SSBP3: variants seen among roughly 807,000 people sequenced by gnomAD.
SSBP3 encodes single stranded DNA binding protein 3, also known as single-stranded DNA-binding protein 3.
Under a neutral mutation model 69.6 loss-of-function variants are expected in SSBP3, and 5 were observed. That is an observed-to-expected ratio of 0.07 (90% CI 0.04 to 0.15). The LOEUF (loss-of-function observed/expected upper bound fraction) is 0.15, where lower values mean the gene tolerates loss of function less well. SSBP3 is among the 10% of genes least tolerant of loss of function. The pLI, the probability that SSBP3 is intolerant of heterozygous loss-of-function variation, is 1.00. For missense variants in SSBP3, 312 were observed against 534.0 expected (o/e 0.58, Z 4.10); for synonymous variants, 196 against 193.4 (o/e 1.01, Z -0.11).
At chr1:54,368,383 A>G (rs1647063658) in intron 4 of SSBP3, among the ~76,000 whole-genome samples, 1 of 151,948 alleles carries the variant, frequency 6.6e-6, no homozygotes, top group African/African-American at 2.4e-5. Context: ...ATGAAGAAAA[A>G]CAGGGGCTCT....
intron 4 of SSBP3, among the ~76,000 whole-genome samples, chr1:54,398,266 A>G (rs1557593029): frequency 6.6e-6 from 1 of 152,222 alleles, no homozygotes; most frequent in African/African-American, 2.4e-5. Context: ...ACAATCACAC[A>G]CATGAAAACA....
chr1:54,266,000 C>A (rs1214286253), intron 5 of SSBP3, among the ~76,000 whole-genome samples: 1 of 152,258 alleles, frequency 6.6e-6, no homozygotes, highest in Admixed American at 6.5e-5. Flanking sequence ...CCTGGCGGAA[C>A]AGAATCAGCA....
chr1:54,400,296 CCA>C (rs1429346745), intron 4 of SSBP3, among the ~76,000 whole-genome samples: 1 of 151,764 alleles, frequency 6.6e-6, no homozygotes, highest in Non-Finnish European at 1.5e-5. Context: ...CCACCCATCC[CCA>C]GATTCTAAAA....
At chr1:54,352,688 C>A (rs894405664) in intron 4 of SSBP3, among the ~76,000 whole-genome samples, 1 of 152,206 alleles carries the variant, frequency 6.6e-6, no homozygotes, top group Admixed American at 6.5e-5. Flanking sequence ...TTTGACCATG[C>A]GAGCATCTAG....
At chr1:54,328,172 C>T (rs1646344472) in intron 4 of SSBP3, among the ~76,000 whole-genome samples, 1 of 152,140 alleles carries the variant, frequency 6.6e-6, no homozygotes. Flanking sequence ...ATCTCCCATC[C>T]TCTCTCCTTG....
intron 4 of SSBP3, among the ~76,000 whole-genome samples, chr1:54,381,609 G>A (rs1371174664): frequency 6.6e-6 from 1 of 152,128 alleles, no homozygotes; most frequent in Non-Finnish European, 1.5e-5. Context: ...CCTCGGTGGG[G>A]CACCTTGCCG....
intron 5 of SSBP3, among the ~76,000 whole-genome samples, chr1:54,262,988 C>T (rs1029670196): frequency 3.3e-5 from 5 of 152,218 alleles, no homozygotes; most frequent in African/African-American, 7.2e-5. Flanking sequence ...GTGGAGACAA[C>T]TAACTCCCGC....
intron 4 of SSBP3, among the ~76,000 whole-genome samples, chr1:54,288,317 A>G (rs1645529881): frequency 1.3e-5 from 2 of 152,166 alleles, no homozygotes; most frequent in Admixed American, 1.3e-4. Flanking sequence ...CCTGGACTCC[A>G]CACAAGGCAG....
intron 4 of SSBP3, among the ~76,000 whole-genome samples, chr1:54,346,036 G>A (rs944756308): frequency 2.0e-5 from 3 of 151,840 alleles, no homozygotes; most frequent in South Asian, 2.1e-4. Context: ...GGCAGCACAC[G>A]CCTGTACTCC....
At chr1:54,288,010 G>A (rs1276141688) in intron 4 of SSBP3, among the ~76,000 whole-genome samples, 3 of 152,140 alleles carry the variant, frequency 2.0e-5, no homozygotes, top group African/African-American at 7.2e-5. Flanking sequence ...GTGGGAGGAG[G>A]GATGGATGTG....
At chr1:54,340,704 T>C (rs1039297357) in intron 4 of SSBP3, among the ~76,000 whole-genome samples, 5 of 152,216 alleles carry the variant, frequency 3.3e-5, no homozygotes, top group African/African-American at 9.6e-5. Flanking sequence ...TCTGAGGTTC[T>C]TTCAGAGGTG....
chr1:54,337,941 C>T (rs1197629594), intron 4 of SSBP3, among the ~76,000 whole-genome samples: 1 of 152,122 alleles, frequency 6.6e-6, no homozygotes, highest in East Asian at 1.9e-4. Flanking sequence ...CCAACCTGGA[C>T]AACATAATGA....
chr1:54,336,482 G>A (rs2100491581), intron 4 of SSBP3, among the ~76,000 whole-genome samples: 1 of 152,248 alleles, frequency 6.6e-6, no homozygotes. Context: ...CAGGTGGGGA[G>A]GGGAGAGCCA....
At chr1:54,371,668 AGAG>A (rs1647137188) in intron 4 of SSBP3, among the ~76,000 whole-genome samples, 1 of 152,188 alleles carries the variant, frequency 6.6e-6, no homozygotes, top group Non-Finnish European at 1.5e-5. Context: ...CAATATCGAG[AGAG>A]AAGACACAAT....
At chr1:54,365,697 C>G (rs930064450) in intron 4 of SSBP3, among the ~76,000 whole-genome samples, 2 of 152,162 alleles carry the variant, frequency 1.3e-5, no homozygotes, top group African/African-American at 4.8e-5. Context: ...CGGCCATACC[C>G]CCTCACCTGG....
chr1:54,310,663 G>A (rs1387070509), intron 4 of SSBP3, among the ~76,000 whole-genome samples: 1 of 139,796 alleles, frequency 7.2e-6, no homozygotes, highest in Admixed American at 7.0e-5. Flanking sequence ...CACCAGCCCA[G>A]ACCAGGGCAA....
At chr1:54,370,479 T>C (rs957661825) in intron 4 of SSBP3, among the ~76,000 whole-genome samples, 13 of 152,210 alleles carry the variant, frequency 8.5e-5, no homozygotes, top group Admixed American at 8.5e-4. Context: ...TGCCGGAGTA[T>C]GTGCCAAGCA....
chr1:54,407,033 C>T (rs915514164), upstream of SSBP3, among the ~76,000 whole-genome samples: 2 of 152,050 alleles, frequency 1.3e-5, no homozygotes, highest in Non-Finnish European at 2.9e-5. Context: ...ACGCTGAGAG[C>T]TGGGCGGCTC....
chr1:54,234,260 T>A (rs1376989639), intron 14 of SSBP3, among the ~76,000 whole-genome samples: 1 of 145,346 alleles, frequency 6.9e-6, no homozygotes, highest in Non-Finnish European at 1.6e-5. Context: ...TTTGTTCACT[T>A]GTTTATCTGC....
Sources: allele counts gnomAD v4.1 joint callset (sites outside exome capture counted in the v4.1 genomes callset), GRCh38; gene constraint gnomAD v4.1.1; transcripts MANE v1.5; gene names NCBI Gene and HGNC (gene_info 2026-07-23, HGNC 2026-07-21).